The following NPAS3 variants were observed in gnomAD, a reference collection of about 807,000 sequenced individuals.
The protein encoded by NPAS3 is neuronal PAS domain-containing protein 3.
NPAS3 carries 14 observed loss-of-function variants against 73.1 expected under a neutral mutation model. The ratio of observed to expected loss-of-function variants is 0.19; its 90% CI spans 0.13 to 0.30. The LOEUF is 0.30. NPAS3 is among the 10% of genes least tolerant of loss of function. NPAS3 has a pLI of 1.00. For synonymous variants in NPAS3, 620 were observed against 541.5 expected (o/e 1.14, Z -2.01); for missense variants, 1,096 against 1,250.0 (o/e 0.88, Z 1.86).
intron 7 of NPAS3, among the ~76,000 whole-genome samples, chr14:33,744,652 T>G (rs1187212191): frequency 6.6e-6 from 1 of 151,938 alleles, no homozygotes; most frequent in African/African-American, 2.4e-5. Flanking sequence ...TAGCCAGGCA[T>G]AGTGGTGCCT....
At chr14:33,440,229 G>T (rs1488659712) in intron 4 of NPAS3, among the ~76,000 whole-genome samples, 1 of 152,028 alleles carries the variant, frequency 6.6e-6, no homozygotes, top group Non-Finnish European at 1.5e-5. Context: ...ATACTGAGAA[G>T]AGACCTGATC....
chr14:33,409,910 C>G (rs2138876778), intron 4 of NPAS3, among the ~76,000 whole-genome samples: 1 of 152,244 alleles, frequency 6.6e-6, no homozygotes, highest in East Asian at 1.9e-4. Flanking sequence ...ATTGCTAAAA[C>G]ATTGGAGATA....
At position 33,061,108 on chromosome 14, in the gene NPAS3, T is replaced by G. The variant is rs192468247; in HGVS notation, c.140+5114T>G. On this transcript the variant is annotated intron_variant, in intron 2 of 11. Transcript: ENST00000356141. ...TTGTACAAGACAGAGTGCTAACCAC[T>G]TTCATGTGTTATCCCAATTAAGGCG... 3.9e-5 allele frequency among the ~76,000 whole-genome samples: 6 copies of G among 152,286 alleles called. No individual in the cohort carries two copies. In the East Asian group the frequency reaches 9.7e-4, roughly 25 times the overall value.
At position 33,510,782 on chromosome 14, in the gene NPAS3, G is replaced by A. The variant is rs529005250; in HGVS notation, c.469-49339G>A. 1.5e-4 allele frequency among the ~76,000 whole-genome samples: 23 copies of A among 152,204 alleles called. No homozygotes were observed. The South Asian group carries it at 4.8e-3, about 32-fold the overall frequency. On this transcript the variant is annotated intron_variant, in intron 4 of 11. Coordinates refer to ENST00000356141, the Ensembl canonical transcript of NPAS3. ...TCTAAGGTGAATGTGGATGCATGGT[G>A]TAGGTTTGTAGAGTGTTATTAAGAT...
At chr14:33,263,342 AACC>A (rs1477143623) in intron 3 of NPAS3, among the ~76,000 whole-genome samples, 23 of 152,218 alleles carry the variant, frequency 1.5e-4, no homozygotes, top group African/African-American at 5.3e-4. Flanking sequence ...ACGTATGGCT[AACC>A]AGTTTTCTCA....
intron 3 of NPAS3, among the ~76,000 whole-genome samples, chr14:33,271,876 C>T (rs556579614): frequency 6.6e-6 from 1 of 151,794 alleles, no homozygotes. Flanking sequence ...AAAGGATGGG[C>T]TCTTGAATGA....
At chr14:33,315,078 G>C (rs994302017) in intron 3 of NPAS3, among the ~76,000 whole-genome samples, 1 of 152,014 alleles carries the variant, frequency 6.6e-6, no homozygotes, top group Non-Finnish European at 1.5e-5. Context: ...GAGAAAAACA[G>C]AGATGAGAGT....
intron 6 of NPAS3, among the ~76,000 whole-genome samples, chr14:33,690,531 C>T (rs1317966948): frequency 2.0e-5 from 3 of 152,048 alleles, no homozygotes; most frequent in African/African-American, 7.3e-5. Flanking sequence ...GCCATCCAGT[C>T]GCTCCTGACA....
chr14:33,406,095 G>GA (rs1213077469), intron 4 of NPAS3, among the ~76,000 whole-genome samples: 2 of 151,500 alleles, frequency 1.3e-5, no homozygotes, highest in African/African-American at 4.8e-5. Flanking sequence ...ATCTCAAACT[G>GA]AAAAAAAAGA....
upstream of NPAS3, among the ~76,000 whole-genome samples, chr14:32,937,035 G>C (rs561920757): frequency 6.6e-6 from 1 of 151,098 alleles, no homozygotes; most frequent in East Asian, 2.0e-4. Flanking sequence ...TGATAGCTGT[G>C]AAAAATGTAG....
At position 33,197,032 on chromosome 14, in the gene NPAS3, A is replaced by G. The variant is rs192393175; in HGVS notation, c.141-18150A>G. Among the ~76,000 whole-genome samples, 575 of 152,328 alleles carry G rather than the reference A, an allele frequency of 3.8e-3. 1 individual carries two copies. Among genetic ancestry groups the G allele is most frequent in the Non-Finnish European group, 5.9e-3 (404 of 68,018 alleles). On this transcript the variant is annotated intron_variant, in intron 2 of 11. Coordinates refer to ENST00000356141, the Ensembl canonical transcript of NPAS3. ...AAAAAAGTTCCAAAAAGGCTTCCAA[A>G]TGAAGGCTGTAATTTTGTATTGGAT...
At chr14:33,337,404 A>G (rs1260159093) in intron 3 of NPAS3, among the ~76,000 whole-genome samples, 1 of 152,128 alleles carries the variant, frequency 6.6e-6, no homozygotes, top group Non-Finnish European at 1.5e-5. Context: ...TTGACTATAC[A>G]CATGAGGTTT....
chr14:32,935,051 T>G (rs1313433167), upstream of NPAS3: 3 of 1,162,050 alleles, frequency 2.6e-6, no homozygotes, highest in Non-Finnish European at 3.3e-6. Flanking sequence ...CCCGGGGTGC[T>G]GGGGTGGGAC....
chr14:33,473,268 G>A (rs770196863), intron 4 of NPAS3, among the ~76,000 whole-genome samples: 2 of 152,072 alleles, frequency 1.3e-5, no homozygotes, highest in East Asian at 1.9e-4. Flanking sequence ...TAAATGCAAG[G>A]CCTCACTCAG....
At chr14:33,272,430 G>A (rs1208228416) in intron 3 of NPAS3, among the ~76,000 whole-genome samples, 1 of 151,912 alleles carries the variant, frequency 6.6e-6, no homozygotes, top group Non-Finnish European at 1.5e-5. Flanking sequence ...AATTTTTTTT[G>A]TTTTGAGATG....
chr14:33,488,300 C>T (rs1282223413), intron 4 of NPAS3, among the ~76,000 whole-genome samples: 2 of 151,810 alleles, frequency 1.3e-5, no homozygotes, highest in Non-Finnish European at 2.9e-5. Flanking sequence ...GAAGGTGGCA[C>T]GAGATAATTT....
rs544092709 is a variant in NPAS3, at chr14:33,413,629, G to C, written c.468+46361G>C. Among the ~76,000 whole-genome samples, 23 of 152,278 alleles carry C rather than the reference G, an allele frequency of 1.5e-4. No homozygotes were observed. The South Asian group carries it at 4.8e-3, about 32-fold the overall frequency. ...AGGATTGCTAGTGTGAGCAGGCAGT[G>C]TGGCTGAAGTTCTTGTCTAAGGACT... On this transcript the variant is annotated intron_variant, in intron 4 of 11. Transcript: ENST00000356141.
chr14:33,137,433 T>C (rs952917605), intron 2 of NPAS3, among the ~76,000 whole-genome samples: 4 of 152,186 alleles, frequency 2.6e-5, no homozygotes, highest in Non-Finnish European at 5.9e-5. Context: ...TTATTATTAT[T>C]TTCTTGAAGC....
At chr14:33,439,258 T>A (rs1358154350) in intron 4 of NPAS3, among the ~76,000 whole-genome samples, 2 of 152,164 alleles carry the variant, frequency 1.3e-5, no homozygotes, top group African/African-American at 4.8e-5. Context: ...CTGCATAAGC[T>A]ACAAAAAAGA....
Sources: gnomAD v4.1 joint callset for allele counts (sites outside exome capture counted in the v4.1 genomes callset) on GRCh38, gnomAD v4.1.1 for gene constraint, MANE v1.5 for transcripts, NCBI Gene and HGNC (gene_info 2026-07-23, HGNC 2026-07-21) for gene names.